Variants in PPP1R1C observed in about 807,000 individuals in gnomAD.
PPP1R1C encodes the protein protein phosphatase 1 regulatory inhibitor subunit 1C.
A neutral mutation model predicts 17.4 loss-of-function variants in PPP1R1C; 15 were observed. The ratio of observed to expected loss-of-function variants is 0.86; its 90% CI spans 0.58 to 1.33. The LOEUF (loss-of-function observed/expected upper bound fraction) is 1.33. Ranked by LOEUF, PPP1R1C falls within the 40% of genes most tolerant of loss-of-function variation. The probability of loss-of-function intolerance (pLI) is 0.00; values close to 1 mark genes in which losing one functional copy is unlikely to be tolerated. For synonymous variants in PPP1R1C, 35 were observed against 43.1 expected, an observed-to-expected ratio of 0.81 and a Z score of 0.73; for missense variants, 143 against 130.0, an observed-to-expected ratio of 1.10 and a Z score of -0.48.
upstream of PPP1R1C, among the ~76,000 whole-genome samples, chr2:181,983,524 C>A (rs1421164913): frequency 6.6e-6 from 1 of 152,102 alleles, no homozygotes; most frequent in African/African-American, 2.4e-5. Context: ...CATGCAAACT[C>A]TATATTAACA....
At chr2:182,047,625 G>C (rs1440889488) in intron 2 of PPP1R1C, among the ~76,000 whole-genome samples, 1 of 152,172 alleles carries the variant, frequency 6.6e-6, no homozygotes, top group Non-Finnish European at 1.5e-5. Flanking sequence ...AATTGTACCA[G>C]TGATTGAAAA....
At chr2:182,049,970 T>C (rs1687461948) in intron 2 of PPP1R1C, among the ~76,000 whole-genome samples, 1 of 152,218 alleles carries the variant, frequency 6.6e-6, no homozygotes, top group Non-Finnish European at 1.5e-5. Flanking sequence ...GTGGATTTTC[T>C]GTTCTCCTGT....
intron 5 of PPP1R1C, among the ~76,000 whole-genome samples, chr2:182,123,508 G>C (rs1253845667): frequency 6.6e-6 from 1 of 152,136 alleles, no homozygotes; most frequent in Non-Finnish European, 1.5e-5. Flanking sequence ...ATCCTCTCCA[G>C]CATCTATTGT....
At chr2:182,069,876 C>G (rs935075001) in intron 4 of PPP1R1C, among the ~76,000 whole-genome samples, 2 of 152,058 alleles carry the variant, frequency 1.3e-5, no homozygotes, top group African/African-American at 4.8e-5. Context: ...AAATATTTCC[C>G]AAATAAGCAA....
intron 4 of PPP1R1C, among the ~76,000 whole-genome samples, chr2:182,071,341 G>A (rs79479545): frequency 0.038 from 5,793 of 152,196 alleles, 383 homozygotes; most frequent in African/African-American, 0.13. Context: ...CCTGTACCGG[G>A]ATTTGACTGA....
intron 2 of PPP1R1C, among the ~76,000 whole-genome samples, chr2:182,057,960 G>A (rs537081262): frequency 2.6e-5 from 4 of 151,804 alleles, no homozygotes; most frequent in East Asian, 1.9e-4. Flanking sequence ...TTAGATTTAC[G>A]GAAAAATTGA....
upstream of PPP1R1C, among the ~76,000 whole-genome samples, chr2:181,984,278 T>C (rs1344312297): frequency 2.0e-5 from 3 of 152,212 alleles, no homozygotes; most frequent in Non-Finnish European, 2.9e-5. Context: ...ACTTGGTAAG[T>C]AGCAGAGCTA....
At chr2:182,082,927 C>T (rs1344223194) in intron 4 of PPP1R1C, among the ~76,000 whole-genome samples, 5 of 151,980 alleles carry the variant, frequency 3.3e-5, no homozygotes, top group South Asian at 2.1e-4. Context: ...CCACGGTACC[C>T]GGTGGGATAG....
At chr2:181,993,969 G>A (rs904393182) in intron 2 of PPP1R1C, among the ~76,000 whole-genome samples, 14 of 151,906 alleles carry the variant, frequency 9.2e-5, no homozygotes, top group African/African-American at 3.4e-4. Flanking sequence ...TCCAGATGAT[G>A]TTAGTCATTG....
intron 2 of PPP1R1C, among the ~76,000 whole-genome samples, chr2:182,011,202 T>G (rs1048084896): frequency 1.3e-5 from 2 of 152,012 alleles, no homozygotes; most frequent in African/African-American, 4.8e-5. Flanking sequence ...TCAGTGTTAG[T>G]TCTTTAAATG....
chr2:182,073,147 C>T (rs1688188348), intron 4 of PPP1R1C, among the ~76,000 whole-genome samples: 1 of 152,018 alleles, frequency 6.6e-6, no homozygotes, highest in African/African-American at 2.4e-5. Context: ...CGTCCGCCTT[C>T]CTGCCAGTTC....
At chr2:181,986,849 G>A (rs1685312582) in intron 1 of PPP1R1C, among the ~76,000 whole-genome samples, 1 of 152,088 alleles carries the variant, frequency 6.6e-6, no homozygotes, top group African/African-American at 2.4e-5. Context: ...TTGATGCAAT[G>A]GCATCTCTTA....
At chr2:182,120,246 GT>G, downstream of PPP1R1C, among the ~76,000 whole-genome samples, 1 of 152,214 alleles carries the variant, frequency 6.6e-6, no homozygotes, top group South Asian at 2.1e-4. Context: ...TGAGGGCTCT[GT>G]TTTGTTCCAT....
At chr2:181,990,838 GA>G (rs1685454861) in intron 2 of PPP1R1C, among the ~76,000 whole-genome samples, 1 of 152,240 alleles carries the variant, frequency 6.6e-6, no homozygotes, top group Admixed American at 6.5e-5. Context: ...TATGTTGTTT[GA>G]AAAACAAAAG....
chr2:182,044,762 G>T (rs1009702658), intron 2 of PPP1R1C, among the ~76,000 whole-genome samples: 1 of 152,286 alleles, frequency 6.6e-6, no homozygotes. Context: ...GAGTATATAT[G>T]CAATAAATTA....
intron 2 of PPP1R1C, among the ~76,000 whole-genome samples, chr2:182,050,114 A>G (rs1442069890): frequency 6.6e-6 from 1 of 152,216 alleles, no homozygotes; most frequent in Non-Finnish European, 1.5e-5. Flanking sequence ...GTTCTGTTAA[A>G]CAATATCATT....
chr2:181,968,802 A>AT (rs1314418581), intron 1 of PPP1R1C, among the ~76,000 whole-genome samples: 6 of 151,352 alleles, frequency 4.0e-5, no homozygotes, highest in Non-Finnish European at 5.9e-5. Context: ...AGTGAAGGTG[A>AT]TTTTCTCTGG....
chr2:181,994,969 G>A (rs913060137), intron 2 of PPP1R1C, among the ~76,000 whole-genome samples: 2 of 152,180 alleles, frequency 1.3e-5, no homozygotes, highest in African/African-American at 4.8e-5. Context: ...TAGAGTAGAT[G>A]TTAAATGCCT....
intron 2 of PPP1R1C, among the ~76,000 whole-genome samples, chr2:181,977,998 G>T (rs907808959): frequency 3.9e-5 from 6 of 152,202 alleles, no homozygotes; most frequent in African/African-American, 1.4e-4. Context: ...TTATAAAGCA[G>T]AGAGGTTTAA....
Sources: gnomAD v4.1 joint callset for allele counts (sites outside exome capture counted in the v4.1 genomes callset) on GRCh38, gnomAD v4.1.1 for gene constraint, MANE v1.5 for transcripts, NCBI Gene and HGNC (gene_info 2026-07-23, HGNC 2026-07-21) for gene names.